Variants in CNTNAP2 observed in about 807,000 individuals in gnomAD.
CNTNAP2 encodes the protein contactin associated protein 2, also known as contactin-associated protein-like 2.
In CNTNAP2, 98 loss-of-function variants were observed where a neutral mutation model predicts 155.2. The observed-to-expected ratio is 0.63, with a 90% confidence interval of 0.54 to 0.75. CNTNAP2 has a LOEUF of 0.75. Among genes scored for constraint, CNTNAP2 ranks in the 30% least tolerant of loss-of-function variants. The pLI, the probability that CNTNAP2 is intolerant of heterozygous loss-of-function variation, is 0.00. For synonymous variants in CNTNAP2, 651 were observed against 631.2 expected (o/e 1.03, Z -0.47); for missense variants, 1,727 against 1,688.1 (o/e 1.02, Z -0.40).
chr7:146,499,470 T>C (rs1318905076), intron 1 of CNTNAP2, among the ~76,000 whole-genome samples: 3 of 152,232 alleles, frequency 2.0e-5, no homozygotes, highest in Non-Finnish European at 4.4e-5. Flanking sequence ...AATTTGGTAG[T>C]AAGTTTTAAA....
At chr7:146,234,535 C>T (rs1257070785) in intron 1 of CNTNAP2, among the ~76,000 whole-genome samples, 8 of 151,120 alleles carry the variant, frequency 5.3e-5, no homozygotes, top group African/African-American at 1.9e-4. Flanking sequence ...GAAGTCCTTG[C>T]CCATGCCTGT....
At chr7:146,895,247 T>G (rs145192981) in intron 3 of CNTNAP2, among the ~76,000 whole-genome samples, 22 of 148,232 alleles carry the variant, frequency 1.5e-4, no homozygotes, top group African/African-American at 5.4e-4. Flanking sequence ...TTTCCTTCCT[T>G]ATTCTTACTT....
intron 9 of CNTNAP2, among the ~76,000 whole-genome samples, chr7:147,344,301 T>C (rs962948398): frequency 3.9e-5 from 6 of 152,148 alleles, no homozygotes; most frequent in Admixed American, 3.9e-4. Flanking sequence ...GCTATTAAAA[T>C]GCAGACAAGA....
intron 1 of CNTNAP2, among the ~76,000 whole-genome samples, chr7:146,537,996 A>G (rs989994328): frequency 6.6e-6 from 1 of 152,090 alleles, no homozygotes; most frequent in Admixed American, 6.6e-5. Context: ...TTTACATTTG[A>G]AAAGGATTAT....
chr7:147,550,582 G>T (rs1209804179), intron 11 of CNTNAP2, among the ~76,000 whole-genome samples: 1 of 152,090 alleles, frequency 6.6e-6, no homozygotes, highest in Admixed American at 6.6e-5. Flanking sequence ...AATACACTGA[G>T]CATGAGTGGA....
chr7:147,791,453 C>CT (rs35344971), intron 13 of CNTNAP2, among the ~76,000 whole-genome samples: 2,818 of 123,380 alleles, frequency 0.023, 100 homozygotes, highest in African/African-American at 0.077. Flanking sequence ...CTCTCTCTCT[C>CT]TTTTTTTTTT....
chr7:147,416,956 G>T (rs1272129901), intron 10 of CNTNAP2, among the ~76,000 whole-genome samples: 1 of 152,050 alleles, frequency 6.6e-6, no homozygotes, highest in Non-Finnish European at 1.5e-5. Context: ...TGGCATAGTG[G>T]TGTGCACCTA....
intron 8 of CNTNAP2, among the ~76,000 whole-genome samples, chr7:147,264,662 CAGAACCCTACAGCTGTTA>C: frequency 6.6e-6 from 1 of 151,030 alleles, no homozygotes; most frequent in South Asian, 2.1e-4. Context: ...GCAGCTGCAT[CAGAACCCTACAGCTGTTA>C]AGAACCTTTA....
chr7:148,034,161 CATAGAG>C (rs1169824994), intron 15 of CNTNAP2, among the ~76,000 whole-genome samples: 1 of 152,132 alleles, frequency 6.6e-6, no homozygotes, highest in Non-Finnish European at 1.5e-5. Context: ...ATCAGGTTAA[CATAGAG>C]ATAAAGTGAA....
At chr7:146,848,998 C>T (rs1288022513) in intron 3 of CNTNAP2, among the ~76,000 whole-genome samples, 1 of 152,088 alleles carries the variant, frequency 6.6e-6, no homozygotes, top group African/African-American at 2.4e-5. Flanking sequence ...CCAGGCTGGC[C>T]TTGAACTCCT....
intron 13 of CNTNAP2, among the ~76,000 whole-genome samples, chr7:147,903,061 A>G (rs1302166448): frequency 6.6e-6 from 1 of 152,084 alleles, no homozygotes; most frequent in Non-Finnish European, 1.5e-5. Context: ...GCTGTTTTCC[A>G]TAGTGGTTGT....
intron 10 of CNTNAP2, among the ~76,000 whole-genome samples, chr7:147,469,847 A>G (rs1254721964): frequency 6.6e-6 from 1 of 152,152 alleles, no homozygotes; most frequent in Admixed American, 6.5e-5. Flanking sequence ...GAGCGATTAG[A>G]GCAGGCCTCA....
At chr7:147,573,791 C>A (rs1800339913) in intron 12 of CNTNAP2, among the ~76,000 whole-genome samples, 1 of 152,276 alleles carries the variant, frequency 6.6e-6, no homozygotes, top group African/African-American at 2.4e-5. Context: ...CCAAGAATGT[C>A]TTCATCCCCC....
chr7:146,271,309 T>C (rs1425441129), intron 1 of CNTNAP2, among the ~76,000 whole-genome samples: 1 of 152,036 alleles, frequency 6.6e-6, no homozygotes, highest in Non-Finnish European at 1.5e-5. Context: ...AAATGATACT[T>C]ATATGGTTTT....
intron 14 of CNTNAP2, 73 bp downstream of exon 14, chr7:147,903,794 G>C: frequency 6.4e-7 from 1 of 1,555,502 alleles, no homozygotes; most frequent in Non-Finnish European, 8.7e-7. Context: ...TGTGATAGAA[G>C]AAAGTTTGAA....
At position 147,189,114 on chromosome 7, in the gene CNTNAP2, C is replaced by T. The variant is rs568882096; in HGVS notation, c.1348+56605C>T. 2.6e-5 allele frequency among the ~76,000 whole-genome samples: 4 copies of T among 152,208 alleles called. No homozygotes were observed. The South Asian group carries it at 8.3e-4, about 32-fold the overall frequency. ...TCCTTTTATTTATTAAATTCTTTTACTATTACATGTTATTTTCCACAGATG... is the reference window on the plus strand; with the variant it reads ...TCCTTTTATTTATTAAATTCTTTTATTATTACATGTTATTTTCCACAGATG... On this transcript the variant is annotated intron_variant, in intron 8 of 23. Transcript: ENST00000361727.
At chr7:147,057,908 G>A (rs1799592925) in intron 4 of CNTNAP2, among the ~76,000 whole-genome samples, 1 of 152,064 alleles carries the variant, frequency 6.6e-6, no homozygotes, top group Non-Finnish European at 1.5e-5. Context: ...GTTAAAGTAT[G>A]CCTACATATA....
chr7:148,185,239 C>T (rs1335201148), intron 18 of CNTNAP2, among the ~76,000 whole-genome samples: 1 of 152,224 alleles, frequency 6.6e-6, no homozygotes, highest in Non-Finnish European at 1.5e-5. Context: ...TATTCATAGT[C>T]AGCCAACCCT....
At chr7:148,380,286 T>G (rs1799024014) in intron 21 of CNTNAP2, among the ~76,000 whole-genome samples, 1 of 152,242 alleles carries the variant, frequency 6.6e-6, no homozygotes, top group African/African-American at 2.4e-5. Flanking sequence ...CATACTTTAC[T>G]TGTAATAAAT....
Sources: gnomAD v4.1 joint callset for allele counts (sites outside exome capture counted in the v4.1 genomes callset) on GRCh38, gnomAD v4.1.1 for gene constraint, MANE v1.5 for transcripts, NCBI Gene and HGNC (gene_info 2026-07-23, HGNC 2026-07-21) for gene names.